MDGA2: variants seen among roughly 807,000 people sequenced by gnomAD.
MDGA2 encodes MAM domain-containing glycosylphosphatidylinositol anchor protein 2.
MDGA2 carries 40 observed loss-of-function variants against 117.8 expected under a neutral mutation model. That is an observed-to-expected ratio of 0.34 (90% CI 0.26 to 0.44). The LOEUF is 0.44. MDGA2 is among the 20% of genes least tolerant of loss of function. MDGA2 has a pLI of 1.00. For synonymous variants in MDGA2, 452 were observed against 439.0 expected, an observed-to-expected ratio of 1.03 and a Z score of -0.37; for missense variants, 1,123 against 1,250.6, an observed-to-expected ratio of 0.90 and a Z score of 1.54.
chr14:47,342,812 T>G (rs1890669598), intron 1 of MDGA2: 1 of 323,442 alleles, frequency 3.1e-6, no homozygotes, highest in Non-Finnish European at 6.1e-6. Flanking sequence ...TAGCAGCAAA[T>G]TCTTCTCCAT....
intron 2 of MDGA2, among the ~76,000 whole-genome samples, chr14:47,254,333 A>G (rs560143347): frequency 6.6e-6 from 1 of 152,304 alleles, no homozygotes; most frequent in South Asian, 2.1e-4. Context: ...TTCCTCTTGA[A>G]TGCTTTGCTG....
At chr14:46,873,618 A>G in intron 13 of MDGA2, 27 bp from the exon 14 acceptor site, 1 of 1,591,744 alleles carries the variant, frequency 6.3e-7, no homozygotes, top group East Asian at 2.2e-5. Flanking sequence ...TAAAGTGTTT[A>G]AACACATTAT....
rs556034220 is a variant in MDGA2 at position 47,144,329 on chromosome 14, A to C, written c.596-55T>G. The C allele has an allele frequency of 2.1e-6, 3 of 1,401,424 alleles. No individual in the cohort carries two copies. The African/African-American group carries it at 4.3e-5, about 20-fold the overall frequency. 86.8% of individuals were successfully genotyped at this position (1,401,424 alleles called of 1,614,324 possible). On this transcript the variant is annotated intron_variant, in intron 3 of 16. Transcript: ENST00000399232. ...ATGTTATGAGATAGATGACTTTTAA[A>C]GTATTGTGCTTATATAACCCAACCA...
chr14:47,321,509 C>T (rs960491407), intron 1 of MDGA2, among the ~76,000 whole-genome samples: 2 of 152,134 alleles, frequency 1.3e-5, no homozygotes, highest in African/African-American at 2.4e-5. Flanking sequence ...CATTCAATGC[C>T]AGTTGTCTCC....
intron 1 of MDGA2, among the ~76,000 whole-genome samples, chr14:47,485,690 G>C (rs889194222): frequency 2.7e-4 from 41 of 152,110 alleles, no homozygotes; most frequent in African/African-American, 9.7e-4. Flanking sequence ...GTGCAACCTA[G>C]GGACTTGGTG....
chr14:47,496,559 T>G (rs568095398), intron 1 of MDGA2, among the ~76,000 whole-genome samples: 4 of 151,988 alleles, frequency 2.6e-5, no homozygotes, highest in African/African-American at 9.7e-5. Flanking sequence ...ATTCCCCACC[T>G]TTTTTATAGA....
intron 1 of MDGA2, among the ~76,000 whole-genome samples, chr14:47,588,255 TATATATACACAC>T (rs1566528798): frequency 5.2e-5 from 5 of 96,046 alleles, no homozygotes; most frequent in Admixed American, 1.4e-4. Flanking sequence ...TATATATATA[TATATATACACAC>T]ACACACACAC....
chr14:47,353,597 G>T (rs1019312780), intron 1 of MDGA2, among the ~76,000 whole-genome samples: 4 of 152,164 alleles, frequency 2.6e-5, no homozygotes, highest in Non-Finnish European at 5.9e-5. Flanking sequence ...AATCTGCCTG[G>T]TGTACTTATA....
intron 4 of MDGA2, among the ~76,000 whole-genome samples, chr14:47,143,333 C>A (rs892875291): frequency 3.9e-5 from 6 of 152,040 alleles, no homozygotes; most frequent in Non-Finnish European, 7.4e-5. Context: ...GAACATTTGT[C>A]CAAATTTTTT....
chr14:47,442,340 C>T (rs1206391080), intron 1 of MDGA2, among the ~76,000 whole-genome samples: 1 of 152,024 alleles, frequency 6.6e-6, no homozygotes, highest in African/African-American at 2.4e-5. Flanking sequence ...GAAGAGAGAC[C>T]TACATGAGAG....
chr14:46,871,097 C>T (rs1324942640), intron 14 of MDGA2: 2 of 151,906 alleles, frequency 1.3e-5, no homozygotes, highest in African/African-American at 4.8e-5. Flanking sequence ...GCTAATCCTA[C>T]ATTAGTAATA....
chr14:47,263,035 T>A (rs1887849477), intron 2 of MDGA2, among the ~76,000 whole-genome samples: 1 of 152,086 alleles, frequency 6.6e-6, no homozygotes, highest in Admixed American at 6.6e-5. Flanking sequence ...TTTTAGGGCC[T>A]ATCGGGCTGT....
At chr14:47,020,344 A>G (rs1043345813) in intron 8 of MDGA2, among the ~76,000 whole-genome samples, 2 of 152,216 alleles carry the variant, frequency 1.3e-5, no homozygotes, top group Admixed American at 1.3e-4. Context: ...TCAAAACTCT[A>G]TAATTATGGT....
chr14:47,412,842 C>T (rs1024722765), intron 1 of MDGA2, among the ~76,000 whole-genome samples: 1 of 152,120 alleles, frequency 6.6e-6, no homozygotes, highest in Non-Finnish European at 1.5e-5. Context: ...CAGAAAAGGG[C>T]CTTTGAGCTA....
At position 47,614,986 on chromosome 14, in the gene MDGA2, G is replaced by A. The variant is rs145964459; in HGVS notation, c.280+59531C>T. On this transcript the variant is annotated intron_variant, in intron 1 of 16. Coordinates refer to ENST00000399232, the MANE Select transcript of MDGA2 (RefSeq NM_001113498.3). Reference sequence around the variant, plus strand: ...ATTATTAGTATTTGGCAGTCACAAAGTAGATTCTATAATTGGTGGGCTTAG... The same window carrying A: ...ATTATTAGTATTTGGCAGTCACAAAATAGATTCTATAATTGGTGGGCTTAG... 7.5e-4 allele frequency among the ~76,000 whole-genome samples: 114 copies of A among 152,088 alleles called. No homozygotes were observed. The East Asian group carries it at 0.02, about 26-fold the overall frequency.
intron 3 of MDGA2, among the ~76,000 whole-genome samples, chr14:47,170,458 G>A (rs1373932287): frequency 6.6e-6 from 1 of 152,082 alleles, no homozygotes; most frequent in Non-Finnish European, 1.5e-5. Flanking sequence ...TTTGACAAAG[G>A]TGCTATCATT....
chr14:47,643,812 G>C (rs1469672269), intron 1 of MDGA2, among the ~76,000 whole-genome samples: 2 of 152,064 alleles, frequency 1.3e-5, no homozygotes, highest in Non-Finnish European at 1.5e-5. Context: ...AAATGGCATA[G>C]ATTCTCCACT....
chr14:47,015,069 G>T (rs564558178), intron 8 of MDGA2, among the ~76,000 whole-genome samples: 3 of 152,050 alleles, frequency 2.0e-5, no homozygotes, highest in African/African-American at 7.2e-5. Flanking sequence ...CAGTGAATAG[G>T]GAGACCCAAG....
In MDGA2 at chr14:46,874,069, C is replaced by T; in HGVS notation, c.2569G>A (p.Ala857Thr). The change falls in exon 13 of 17, where the codon GCT becomes ACT. Residue 857 changes from alanine (A) to threonine (T), a missense_variant. Physicochemically the swap from Ala to Thr is moderately conservative, Grantham distance 58. This residue lies in a region of MDGA2 where 890 missense variants were observed against 1,050.3 expected (regional missense o/e 0.85). Coordinates refer to ENST00000399232, the MANE Select transcript of MDGA2 (RefSeq NM_001113498.3). ...TKYTPNTGPN[A>T]DRSGSKEGFY... ...CCTTCTTTGGAGCCACTACGGTCAG[C>T]ATTAGGTCCTGTATTAGGAGTATAT... 1 of 1,555,252 alleles carries T rather than the reference C, an allele frequency of 6.4e-7. No homozygotes were observed. Among genetic ancestry groups the T allele is most frequent in the Non-Finnish European group, 8.7e-7 (1 of 1,155,706 alleles).
Sources: gnomAD v4.1 joint callset for allele counts (sites outside exome capture counted in the v4.1 genomes callset) on GRCh38, gnomAD v4.1.1 for gene constraint, gnomAD v4.1.1 regional missense constraint, MANE v1.5 for transcripts, NCBI Gene and HGNC (gene_info 2026-07-23, HGNC 2026-07-21) for gene names.